Variants in CNTNAP2 observed in about 807,000 individuals in gnomAD.
CNTNAP2 encodes the protein contactin associated protein 2.
In CNTNAP2, 98 loss-of-function variants were observed where a neutral mutation model predicts 155.2. That is an observed-to-expected ratio of 0.63 (90% CI 0.54 to 0.75). The LOEUF is 0.75. Ranked by LOEUF, CNTNAP2 falls within the 30% of genes least tolerant of loss-of-function variation. The pLI, the probability that CNTNAP2 is intolerant of heterozygous loss-of-function variation, is 0.00. For missense variants in CNTNAP2, 1,727 were observed against 1,688.1 expected, an observed-to-expected ratio of 1.02 and a Z score of -0.40; for synonymous variants, 651 against 631.2, an observed-to-expected ratio of 1.03 and a Z score of -0.47.
At chr7:148,281,966 A>C (rs905383120) in intron 21 of CNTNAP2, among the ~76,000 whole-genome samples, 17 of 151,274 alleles carry the variant, frequency 1.1e-4, no homozygotes, top group African/African-American at 3.4e-4. Flanking sequence ...CTGAGACTAC[A>C]GGCTCACACC....
intron 10 of CNTNAP2, among the ~76,000 whole-genome samples, chr7:147,453,092 G>A (rs1189260827): frequency 6.6e-6 from 1 of 152,042 alleles, no homozygotes; most frequent in East Asian, 1.9e-4. Context: ...TGGAAGGCAG[G>A]CATACTCCTT....
intron 1 of CNTNAP2, among the ~76,000 whole-genome samples, chr7:146,446,076 A>T (rs1465003456): frequency 6.6e-6 from 1 of 152,170 alleles, no homozygotes; most frequent in East Asian, 1.9e-4. Flanking sequence ...ATTCTTACTA[A>T]GTTCATTGGT....
intron 9 of CNTNAP2, among the ~76,000 whole-genome samples, chr7:147,359,116 T>C (rs566113064): frequency 4.6e-5 from 7 of 152,318 alleles, no homozygotes; most frequent in Middle Eastern, 3.4e-3. Flanking sequence ...CTGCATCTCA[T>C]AGTGATGTCT....
At chr7:148,135,562 A>G (rs767962223) in intron 16 of CNTNAP2, among the ~76,000 whole-genome samples, 55 of 152,048 alleles carry the variant, frequency 3.6e-4, no homozygotes, top group Non-Finnish European at 1.0e-4. Flanking sequence ...TGAAAGTGGA[A>G]GACAGGCCGG....
intron 14 of CNTNAP2, among the ~76,000 whole-genome samples, chr7:147,953,075 T>G (rs1053996192): frequency 1.3e-5 from 2 of 152,206 alleles, no homozygotes; most frequent in Non-Finnish European, 2.9e-5. Flanking sequence ...TCAAGATGAA[T>G]GGTCATGTAT....
chr7:147,234,334 CT>C (rs1225048153), intron 8 of CNTNAP2, among the ~76,000 whole-genome samples: 2,118 of 107,462 alleles, frequency 0.02, 22 homozygotes, highest in Non-Finnish European at 0.03. Context: ...CAAGAGTATT[CT>C]TTTTTTTTTT....
Position 146,925,609 on chromosome 7 carries a change from G to C in CNTNAP2, c.402+85705G>C, listed in dbSNP as rs186364935. ...AAGATCCAGTAGTTAAAGAAGGCGG[G>C]GATGCTAACTGTCCTTGCTATGTAG... On this transcript the variant is annotated intron_variant, in intron 3 of 23. Coordinates refer to ENST00000361727, the MANE Select transcript of CNTNAP2 (RefSeq NM_014141.6). 4.3e-3 allele frequency among the ~76,000 whole-genome samples: 653 copies of C among 152,112 alleles called. 4 individuals are homozygous for C. Among genetic ancestry groups the C allele is most frequent in the African/African-American group, 0.015 (615 of 41,526 alleles).
intron 13 of CNTNAP2, among the ~76,000 whole-genome samples, chr7:147,825,491 G>C (rs1398646103): frequency 1.3e-5 from 2 of 152,144 alleles, no homozygotes; most frequent in East Asian, 1.9e-4. Context: ...TATTATAAAA[G>C]TGTACTTTGA....
intron 1 of CNTNAP2, 48 bp from the exon 2 acceptor site, chr7:146,774,223 C>T (rs372332415): frequency 2.6e-5 from 35 of 1,364,432 alleles, no homozygotes; most frequent in African/African-American, 5.7e-5. Context: ...ATCGTTATTT[C>T]GAAATCGTTG....
chr7:148,071,101 C>T (rs549011391), intron 15 of CNTNAP2, among the ~76,000 whole-genome samples: 46 of 152,020 alleles, frequency 3.0e-4, no homozygotes, highest in Non-Finnish European at 3.7e-4. Flanking sequence ...TGTAGAACAT[C>T]TTTTTGATAG....
At chr7:146,643,352 G>A (rs1229324714) in intron 1 of CNTNAP2, among the ~76,000 whole-genome samples, 8 of 152,160 alleles carry the variant, frequency 5.3e-5, no homozygotes, top group African/African-American at 1.9e-4. Flanking sequence ...TGTAAGGAAG[G>A]GATCCAGTTT....
At position 147,511,084 on chromosome 7, in the gene CNTNAP2, C is replaced by CAT. The variant is rs571039727; in HGVS notation, c.1777+25052_1777+25053dup. 2.4e-3 allele frequency among the ~76,000 whole-genome samples: 362 copies of CAT among 151,686 alleles called. 1 individual carries two copies. Among genetic ancestry groups the CAT allele is most frequent in the African/African-American group, 8.4e-3 (347 of 41,324 alleles). ...CCCTTCTGATTCATAAGGTCTGATT[C>CAT]ATATATATATGTGAGGAAGCATTAT... is the stretch of plus-strand genomic sequence containing the variant. On this transcript the variant is annotated intron_variant, in intron 11 of 23. Transcript: ENST00000361727.
chr7:146,516,143 G>C (rs893690465), intron 1 of CNTNAP2, among the ~76,000 whole-genome samples: 2 of 151,920 alleles, frequency 1.3e-5, no homozygotes, highest in Admixed American at 6.6e-5. Flanking sequence ...GCTGTGTTCT[G>C]GTTAGAGGCG....
chr7:146,612,234 T>A (rs1001834082), intron 1 of CNTNAP2, among the ~76,000 whole-genome samples: 2 of 83,168 alleles, frequency 2.4e-5, no homozygotes, highest in Admixed American at 1.8e-4. Flanking sequence ...TGATTTATAT[T>A]AGTAATGTAA....
At chr7:147,338,005 A>T (rs543573936) in intron 9 of CNTNAP2, among the ~76,000 whole-genome samples, 5 of 152,252 alleles carry the variant, frequency 3.3e-5, no homozygotes, top group Non-Finnish European at 5.9e-5. Flanking sequence ...TTTTATATTT[A>T]GTCTGGAAAA....
intron 9 of CNTNAP2, among the ~76,000 whole-genome samples, chr7:147,338,811 T>G (rs549174345): frequency 3.6e-4 from 54 of 151,826 alleles, no homozygotes; most frequent in Non-Finnish European, 6.2e-4. Context: ...TATACACATG[T>G]GTATGTAGAT....
At chr7:146,209,749 A>G (rs1416925203) in intron 1 of CNTNAP2, among the ~76,000 whole-genome samples, 1 of 152,210 alleles carries the variant, frequency 6.6e-6, no homozygotes, top group Non-Finnish European at 1.5e-5. Context: ...TAATCAATCA[A>G]TTAATTCAAA....
In CNTNAP2 at chr7:148,340,494, A is replaced by G. The variant is rs1005116248; in HGVS notation, c.3476-43155A>G. On this transcript the variant is annotated intron_variant, in intron 21 of 23. Transcript: ENST00000361727. ...TTGGTTATCCATGAAGGTGGCTTTA[A>G]TATTTCACCCTCATATTTGGCAGAC... Among the ~76,000 whole-genome samples, 14 of 152,194 alleles carry G rather than the reference A, an allele frequency of 9.2e-5. 1 individual carries two copies. The highest frequency in any genetic ancestry group is 1.6e-4 in the Non-Finnish European group (11 of 68,034).
At chr7:146,408,962 C>A (rs143802976) in intron 1 of CNTNAP2, among the ~76,000 whole-genome samples, 176 of 152,192 alleles carry the variant, frequency 1.2e-3, no homozygotes, top group African/African-American at 3.9e-3. Flanking sequence ...CAGAACCCAG[C>A]CTTCTCATCT....
Sources: gnomAD v4.1 joint callset for allele counts (sites outside exome capture counted in the v4.1 genomes callset) on GRCh38, gnomAD v4.1.1 for gene constraint, MANE v1.5 for transcripts, NCBI Gene and HGNC (gene_info 2026-07-23, HGNC 2026-07-21) for gene names.